Variants in TMEM67 observed in about 807,000 individuals in gnomAD.
TMEM67 encodes the protein meckelin.
In TMEM67, 124 loss-of-function variants were observed where a neutral mutation model predicts 136.6. That is an observed-to-expected ratio of 0.91 (90% CI 0.78 to 1.05). TMEM67 has a LOEUF of 1.05. Among genes scored for constraint, TMEM67 ranks in the 50% least tolerant of loss-of-function variants. The pLI is 0.00. For synonymous variants in TMEM67, 364 were observed against 390.5 expected, an observed-to-expected ratio of 0.93 and a Z score of 0.80; for missense variants, 1,107 against 1,178.4, an observed-to-expected ratio of 0.94 and a Z score of 0.89.
At chr8:93,770,138 A>G (rs2130611347) in intron 6 of TMEM67, among the ~76,000 whole-genome samples, 1 of 152,348 alleles carries the variant, frequency 6.6e-6, no homozygotes, top group East Asian at 1.9e-4. Flanking sequence ...AAAAGCTGAA[A>G]GAATTAGACA....
chr8:93,772,256 TA>T (rs2130620743), intron 6 of TMEM67, among the ~76,000 whole-genome samples: 1 of 152,360 alleles, frequency 6.6e-6, no homozygotes, highest in African/African-American at 2.4e-5. Flanking sequence ...ATAATAATTA[TA>T]AACCAGTAAA....
At chr8:93,828,568 C>G in the TMEM67 span, among the ~76,000 whole-genome samples, 1 of 152,016 alleles carries the variant, frequency 6.6e-6, no homozygotes, top group Non-Finnish European at 1.5e-5. Context: ...GGCAAAACCC[C>G]ATCGCTAATA....
At chr8:93,757,773 T>G (rs1184969934) in intron 2 of TMEM67, among the ~76,000 whole-genome samples, 1 of 152,098 alleles carries the variant, frequency 6.6e-6, no homozygotes, top group Non-Finnish European at 1.5e-5. Flanking sequence ...TGAATTTTTT[T>G]TTTTTTTGAA....
rs1298913203 is a variant in TMEM67, at chr8:93,780,939, C to G, written c.935C>G (p.Ser312Cys). 1 of 1,612,090 alleles carries G rather than the reference C, an allele frequency of 6.2e-7. No homozygotes were observed. Among genetic ancestry groups the G allele is most frequent in the South Asian group, 1.1e-5 (1 of 90,990 alleles). Residue 312 changes from serine (S) to cysteine (C), a missense_variant, in exon 9 of 28, where the codon TCT becomes TGT. Ser to Cys is a moderately radical substitution (Grantham distance 112). Transcript: ENST00000453321. ...QLGLAPQVLS[S>C]TSLPTNFSFK... ...GGATTAGCACCTCAAGTGCTCAGTT[C>G]TACCTCTCTTCCTACAAATTTCAGT...
chr8:93,791,220 A>G, intron 14 of TMEM67, 43 bp from the exon 15 acceptor site: 1 of 1,316,768 alleles, frequency 7.6e-7, no homozygotes, highest in East Asian at 2.3e-5. Flanking sequence ...AGTTTGTATC[A>G]TATAATTTCA....
In TMEM67 at chr8:93,780,948, T is replaced by C. The variant is rs1274455281; in HGVS notation, c.944T>C (p.Leu315Pro). 1.2e-6 allele frequency: 2 copies of C among 1,611,740 alleles called. No individual in the cohort carries two copies. The highest frequency in any genetic ancestry group is 2.2e-5 in the South Asian group (2 of 90,976). Residue 315 changes from leucine to proline, a missense_variant, in exon 9 of 28, where the codon CTT becomes CCT. Coordinates refer to ENST00000453321, the MANE Select transcript of TMEM67 (RefSeq NM_153704.6). ...LAPQVLSSTSLPTNFSFKGEN... is the reference protein window; with the variant it reads ...LAPQVLSSTSPPTNFSFKGEN... ...CCTCAAGTGCTCAGTTCTACCTCTCTTCCTACAAATTTCAGTTTTAAAGGA... is the reference window on the plus strand; with the variant it reads ...CCTCAAGTGCTCAGTTCTACCTCTCCTCCTACAAATTTCAGTTTTAAAGGA...
intron 20 of TMEM67, 61 bp downstream of exon 20, chr8:93,797,531 T>C: frequency 1.3e-6 from 2 of 1,497,230 alleles, no homozygotes; most frequent in Admixed American, 1.7e-5. Context: ...ATTAAACTAA[T>C]ATAATTCCAA....
At chr8:93,788,127 T>C (rs1563464807) in intron 14 of TMEM67, among the ~76,000 whole-genome samples, 178 bp downstream of exon 14, 1 of 152,170 alleles carries the variant, frequency 6.6e-6, no homozygotes, top group Admixed American at 6.5e-5. Flanking sequence ...TGAGTTCTTA[T>C]GGATCCTGAG....
intron 9 of TMEM67, among the ~76,000 whole-genome samples, 178 bp from the exon 10 acceptor site, chr8:93,781,480 C>A (rs111970481): frequency 1.0e-3 from 156 of 151,806 alleles, no homozygotes; most frequent in African/African-American, 3.1e-3. Context: ...ATGCAAAAAA[C>A]CAGTCTAATT....
chr8:93,792,253 C>T (rs1814413042), intron 15 of TMEM67, among the ~76,000 whole-genome samples: 1 of 151,926 alleles, frequency 6.6e-6, no homozygotes, highest in African/African-American at 2.4e-5. Flanking sequence ...CCCACTGCAA[C>T]CTTCACCTAG....
rs750330762 is a variant in TMEM67 at position 93,804,898 on chromosome 8, CTTTTTG to C, written c.2439+26_2439+31del. On this transcript the variant is annotated intron_variant, in intron 23 of 27. Coordinates refer to ENST00000453321, the MANE Select transcript of TMEM67 (RefSeq NM_153704.6). ...GAAGCGGTATGAAAATGTTTTACAT[CTTTTTG>C]TTTTTAAGTTGAGAAGTGGATTCTT... 7.3e-7 allele frequency: 1 copy of C among 1,377,466 alleles called. No homozygotes were observed. The highest frequency in any genetic ancestry group is 1.2e-5 in the South Asian group (1 of 86,106). 85.3% of individuals were successfully genotyped at this position (1,377,466 alleles called of 1,614,324 possible).
intron 3 of TMEM67, among the ~76,000 whole-genome samples, chr8:93,761,539 G>T (rs889911506): frequency 3.3e-5 from 5 of 151,890 alleles, no homozygotes; most frequent in African/African-American, 1.2e-4. Context: ...TTTTTTTCTT[G>T]CAACATTATT....
chr8:93,792,322 C>T (rs1182477923), intron 15 of TMEM67, among the ~76,000 whole-genome samples: 2 of 152,142 alleles, frequency 1.3e-5, no homozygotes, highest in Non-Finnish European at 2.9e-5. Context: ...CGGGCACACA[C>T]CACCACGCCC....
intron 10 of TMEM67, among the ~76,000 whole-genome samples, chr8:93,781,974 A>G (rs979926665): frequency 2.0e-5 from 3 of 151,526 alleles, no homozygotes; most frequent in Non-Finnish European, 4.4e-5. Context: ...GCTGGAGTGC[A>G]GTGGCGCGAT....
Position 93,765,598 on chromosome 8 carries a change from A to G in TMEM67, c.603A>G (p.Thr201=), listed in dbSNP as rs1366316708. ...ILTGGLCFSS[T]GNFPLRRISA... is the part of the protein sequence containing the mutation. ...CAGGGGGATTATGTTTCAGCAGCAC[A>G]GGGAATTTTCCTCTACGTAGAATTT... Residue 201 remains threonine (T), a synonymous_variant, in exon 6 of 28, where the codon ACA becomes ACG. Transcript: ENST00000453321. 1.1e-5 allele frequency: 17 copies of G among 1,613,342 alleles called. No homozygotes were observed. Among genetic ancestry groups the G allele is most frequent in the Non-Finnish European group, 1.4e-5 (16 of 1,179,408 alleles).
Position 93,787,751 on chromosome 8 carries a change from A to G in TMEM67, c.1413-93A>G, listed in dbSNP as rs943660912. 2.9e-5 allele frequency: 29 copies of G among 995,058 alleles called. 1 individual carries two copies. Among genetic ancestry groups the G allele is most frequent in the South Asian group, 1.0e-4 (8 of 76,258 alleles). The allele number at this position is 995,058 out of a possible 1,614,324, so 61.6% of individuals were successfully genotyped here. On this transcript the variant is annotated intron_variant, in intron 13 of 27. Coordinates refer to ENST00000453321, the MANE Select transcript of TMEM67 (RefSeq NM_153704.6). ...CTACTTGGTTCTGAGATCATCAGACAATTCATATTAAATTCAAAAGAAATG... is the reference window on the plus strand; with the variant it reads ...CTACTTGGTTCTGAGATCATCAGACGATTCATATTAAATTCAAAAGAAATG...
chr8:93,755,751 C>CTTTTTTTTTTTTTTTTTTTT lies in TMEM67; in HGVS notation c.224-22_224-3dup. On this transcript the variant is annotated intron_variant, in intron 1 of 27. Transcript: ENST00000453321. Reference sequence around the variant, plus strand: ...TTTTATTTATCAAGGATAAAATTGGCTTTTTTTTTTTTTTTTTTTTTTTTA... The same window carrying CTTTTTTTTTTTTTTTTTTTT: ...TTTTATTTATCAAGGATAAAATTGGCTTTTTTTTTTTTTTTTTTTTTTTTTTTTTTTTTTTTTTTTTTTTA... 3.2e-6 allele frequency: 2 copies of CTTTTTTTTTTTTTTTTTTTT among 632,468 alleles called. 1 individual carries two copies. 39.2% of individuals were successfully genotyped at this position (632,468 alleles called of 1,614,324 possible).
chr8:93,784,142 A>G (rs1019021381), intron 11 of TMEM67, among the ~76,000 whole-genome samples: 20 of 152,188 alleles, frequency 1.3e-4, no homozygotes, highest in Non-Finnish European at 2.6e-4. Flanking sequence ...ATAATTTCCA[A>G]ATTTTCTACC....
In TMEM67 at chr8:93,781,826, G is replaced by T. The variant is rs140040741; in HGVS notation, c.1065+82G>T. 9.0e-3 allele frequency: 6,873 copies of T among 760,522 alleles called. 333 individuals are homozygous for T. The Admixed American group carries it at 0.1, about 11-fold the overall frequency. The allele number at this position is 760,522 out of a possible 1,614,324, so 47.1% of individuals were successfully genotyped here. On this transcript the variant is annotated intron_variant, in intron 10 of 27. Transcript: ENST00000453321. ...AGCCAAGAGGAAAAGATTATTGTAT[G>T]AATAAAGCATCAGTTACATACTACA...
Sources: gnomAD v4.1 joint callset for allele counts (sites outside exome capture counted in the v4.1 genomes callset) on GRCh38, gnomAD v4.1.1 for gene constraint, MANE v1.5 for transcripts, NCBI Gene and HGNC (gene_info 2026-07-23, HGNC 2026-07-21) for gene names.